The following NBAS variants were observed in gnomAD, a reference collection of about 807,000 sequenced individuals.
NBAS encodes the protein NBAS subunit of NRZ tethering complex.
A neutral mutation model predicts 302.5 loss-of-function variants in NBAS; 219 were observed. That is an observed-to-expected ratio of 0.72 (90% CI 0.65 to 0.81). NBAS has a LOEUF of 0.81. Among genes scored for constraint, NBAS ranks in the 30% least tolerant of loss-of-function variants. The pLI is 0.00. For missense variants in NBAS, 2,932 were observed against 2,841.6 expected (o/e 1.03, Z -0.72); for synonymous variants, 1,118 against 1,021.6 (o/e 1.09, Z -1.80).
At chr2:14,847,540 C>T in the NBAS span, among the ~76,000 whole-genome samples, 4 of 149,130 alleles carry the variant, frequency 2.7e-5, no homozygotes, top group East Asian at 7.8e-4. Context: ...AAGAGACAAG[C>T]AAGGTCACTA....
chr2:15,154,334 C>T, the NBAS span, among the ~76,000 whole-genome samples: 12 of 152,138 alleles, frequency 7.9e-5, no homozygotes, highest in Admixed American at 5.9e-4. Flanking sequence ...GGCTCTTCAT[C>T]GGGGGCCTCT....
chr2:14,988,286 G>T, the NBAS span, among the ~76,000 whole-genome samples: 1 of 152,140 alleles, frequency 6.6e-6, no homozygotes, highest in East Asian at 1.9e-4. Flanking sequence ...TACCCTTAAT[G>T]GGAGAAACTA....
At chr2:15,519,629 A>G (rs1662566514) in intron 9 of NBAS, among the ~76,000 whole-genome samples, 1 of 151,984 alleles carries the variant, frequency 6.6e-6, no homozygotes, top group Non-Finnish European at 1.5e-5. Flanking sequence ...ACTTTTGTAG[A>G]GACAGGGATC....
chr2:15,552,706 A>T (rs532325314), intron 5 of NBAS, among the ~76,000 whole-genome samples: 1 of 152,272 alleles, frequency 6.6e-6, no homozygotes, highest in Non-Finnish European at 1.5e-5. Context: ...CAGACAGCAT[A>T]ATTGGTCTCA....
intron 21 of NBAS, among the ~76,000 whole-genome samples, chr2:15,440,156 G>C (rs988107544): frequency 2.6e-5 from 4 of 152,176 alleles, no homozygotes; most frequent in African/African-American, 9.6e-5. Context: ...AGAGAGCAGT[G>C]GTTCTCCCAG....
At chr2:15,102,911 G>A in the NBAS span, among the ~76,000 whole-genome samples, 1 of 151,510 alleles carries the variant, frequency 6.6e-6, no homozygotes, top group South Asian at 2.1e-4. Flanking sequence ...CCAGGTAACT[G>A]TGGGACTTAT....
the NBAS span, among the ~76,000 whole-genome samples, chr2:14,903,064 A>G: frequency 7.1e-6 from 1 of 141,620 alleles, no homozygotes; most frequent in Non-Finnish European, 1.5e-5. Context: ...TTGATGAATG[A>G]AAAAAAAAAA....
intron 32 of NBAS, among the ~76,000 whole-genome samples, chr2:15,358,549 A>G (rs1426573681): frequency 1.3e-5 from 2 of 152,126 alleles, no homozygotes; most frequent in African/African-American, 4.8e-5. Context: ...GGTTCAAGCA[A>G]TCCTCCCACA....
the NBAS span, among the ~76,000 whole-genome samples, chr2:15,091,324 G>A: frequency 6.3e-5 from 5 of 79,440 alleles, no homozygotes; most frequent in African/African-American, 1.8e-4. Flanking sequence ...CTGATATGTG[G>A]ATTTTCTTCC....
At chr2:14,964,901 C>G in the NBAS span, among the ~76,000 whole-genome samples, 13 of 152,102 alleles carry the variant, frequency 8.5e-5, no homozygotes, top group South Asian at 1.0e-3. Context: ...AATATTGCCA[C>G]ATATTTGGAA....
chr2:15,485,199 G>A (rs1405089043), intron 12 of NBAS, among the ~76,000 whole-genome samples: 1 of 151,968 alleles, frequency 6.6e-6, no homozygotes, highest in Non-Finnish European at 1.5e-5. Flanking sequence ...ATCTGAGAGA[G>A]CTGAAGGAAT....
At chr2:15,195,689 A>G (rs1170704101) in intron 48 of NBAS, among the ~76,000 whole-genome samples, 1 of 152,180 alleles carries the variant, frequency 6.6e-6, no homozygotes, top group African/African-American at 2.4e-5. Flanking sequence ...GTCTCCCAAT[A>G]GACAGAAAAC....
chr2:15,332,349 T>C (rs908410283), intron 35 of NBAS, among the ~76,000 whole-genome samples: 4 of 152,146 alleles, frequency 2.6e-5, no homozygotes, highest in Non-Finnish European at 5.9e-5. Flanking sequence ...GTTCTAAAGC[T>C]GCAAAGTTTG....
chr2:15,184,927 C>A (rs1665006338), intron 50 of NBAS, among the ~76,000 whole-genome samples: 2 of 152,316 alleles, frequency 1.3e-5, no homozygotes, highest in Middle Eastern at 3.4e-3. Flanking sequence ...GAGATCCTAA[C>A]AACCTTATAT....
chr2:15,254,361 G>T (rs1198099085), intron 44 of NBAS, among the ~76,000 whole-genome samples: 2 of 152,140 alleles, frequency 1.3e-5, no homozygotes. Context: ...TCCATTTCCA[G>T]CATGGCACGG....
intron 25 of NBAS, among the ~76,000 whole-genome samples, chr2:15,409,164 T>C (rs1676563535): frequency 6.6e-6 from 1 of 152,232 alleles, no homozygotes; most frequent in African/African-American, 2.4e-5. Context: ...TGCTTTCAGA[T>C]TTACGGTTTT....
the NBAS span, among the ~76,000 whole-genome samples, chr2:15,130,942 G>A: frequency 6.6e-6 from 1 of 152,184 alleles, no homozygotes; most frequent in Non-Finnish European, 1.5e-5. Context: ...TTTATTGGCT[G>A]TCTCATCTTT....
chr2:14,785,399 G>A, the NBAS span, among the ~76,000 whole-genome samples: 1 of 152,138 alleles, frequency 6.6e-6, no homozygotes, highest in Admixed American at 6.6e-5. Context: ...TGTTGTGCCA[G>A]TTTTCAAAGG....
chr2:14,876,334 G>A, the NBAS span, among the ~76,000 whole-genome samples: 1 of 152,154 alleles, frequency 6.6e-6, no homozygotes, highest in Admixed American at 6.5e-5. Context: ...TGTATCCACT[G>A]TGAGCCAGAT....
Sources: allele counts gnomAD v4.1 joint callset (sites outside exome capture counted in the v4.1 genomes callset), GRCh38; gene constraint gnomAD v4.1.1; transcripts MANE v1.5; gene names NCBI Gene and HGNC (gene_info 2026-07-23, HGNC 2026-07-21).